The following ZBTB1 variants were observed in gnomAD, a reference collection of about 807,000 sequenced individuals.
ZBTB1 encodes zinc finger and BTB domain containing 1, also known as zinc finger and BTB domain-containing protein 1.
In ZBTB1, 13 loss-of-function variants were observed where a neutral mutation model predicts 51.6. The ratio of observed to expected loss-of-function variants is 0.25; its 90% CI spans 0.16 to 0.40. The LOEUF is 0.40. ZBTB1 is among the 10% of genes least tolerant of loss of function. ZBTB1 has a pLI of 1.00. For synonymous variants in ZBTB1, 240 were observed against 282.2 expected, an observed-to-expected ratio of 0.85 and a Z score of 1.50; for missense variants, 567 against 856.5, an observed-to-expected ratio of 0.66 and a Z score of 4.22.
Position 64,524,778 on chromosome 14 carries a change from T to G in ZBTB1, c.*1132T>G. ...TATCATTTTTTTCTGTAAAAGACTATAAAACTTGAGGATTATAAAATAATC... is the reference window on the plus strand; with the variant it reads ...TATCATTTTTTTCTGTAAAAGACTAGAAAACTTGAGGATTATAAAATAATC... On this transcript the variant is annotated 3_prime_UTR_variant, in exon 2 of 2. Transcript: ENST00000683701. The G allele has an allele frequency of 4.1e-6, 4 of 981,786 alleles. No individual in the cohort carries two copies. Among genetic ancestry groups the G allele is most frequent in the Non-Finnish European group, 4.8e-6 (4 of 826,628 alleles). 60.8% of individuals were successfully genotyped at this position (981,786 alleles called of 1,614,324 possible). A position where few individuals can be genotyped will look rare whatever the true frequency, so the allele number is the denominator to read the frequency against.
intron 1 of ZBTB1, among the ~76,000 whole-genome samples, chr14:64,511,813 C>A (rs1282498761): frequency 6.6e-6 from 1 of 152,136 alleles, no homozygotes; most frequent in Admixed American, 6.6e-5. Context: ...AGGTGCAAAC[C>A]CTTGCAAATT....
intron 1 of ZBTB1, among the ~76,000 whole-genome samples, chr14:64,519,900 T>C (rs2079842333): frequency 6.6e-6 from 1 of 152,212 alleles, no homozygotes; most frequent in African/African-American, 2.4e-5. Flanking sequence ...ATTCTAACTC[T>C]ATAGAATTAT....
At chr14:64,512,704 A>G (rs1423961415) in intron 1 of ZBTB1, among the ~76,000 whole-genome samples, 1 of 152,216 alleles carries the variant, frequency 6.6e-6, no homozygotes, top group Non-Finnish European at 1.5e-5. Flanking sequence ...ATAGTGCATA[A>G]AATTTTCTAA....
intron 1 of ZBTB1, chr14:64,514,018 TAC>T (rs1450025887): frequency 6.6e-6 from 1 of 152,256 alleles, no homozygotes; most frequent in East Asian, 1.9e-4. Flanking sequence ...ATCCCTCATA[TAC>T]AGTTATCTCT....
chr14:64,526,728 T>TC (rs937184440), downstream of ZBTB1, among the ~76,000 whole-genome samples: 3 of 152,084 alleles, frequency 2.0e-5, no homozygotes, highest in African/African-American at 7.2e-5. Context: ...CGTCTTCATC[T>TC]CCCCCATGTT....
intron 1 of ZBTB1, among the ~76,000 whole-genome samples, chr14:64,505,726 G>A (rs188665579): frequency 2.0e-5 from 3 of 152,208 alleles, no homozygotes; most frequent in Admixed American, 6.5e-5. Context: ...TAAATTGGGC[G>A]AATCAGGAAG....
In ZBTB1 at chr14:64,524,748, TTTA is replaced by T. The variant is rs748886263; in HGVS notation, c.*1107_*1109del. On this transcript the variant is annotated 3_prime_UTR_variant, in exon 2 of 2. Transcript: ENST00000683701. ...GGCAAATTGCAGTTTATCGCCATAT[TTTA>T]TTATCATTTTTTTCTGTAAAAGACT... 3.8e-5 allele frequency: 37 copies of T among 982,442 alleles called. No homozygotes were observed. The highest frequency in any genetic ancestry group is 4.7e-5 in the South Asian group (1 of 21,236). The allele number at this position is 982,442 out of a possible 1,614,324, so 60.9% of individuals were successfully genotyped here. A position where few individuals can be genotyped will look rare whatever the true frequency, so the allele number is the denominator to read the frequency against.
chr14:64,512,752 A>G (rs1466504869), intron 1 of ZBTB1, among the ~76,000 whole-genome samples: 1 of 152,198 alleles, frequency 6.6e-6, no homozygotes, highest in East Asian at 1.9e-4. Flanking sequence ...GTTGAAATAA[A>G]ACCTCTTATC....
rs1461663680 is a variant in ZBTB1, at chr14:64,522,364, A to G, written c.860A>G (p.Asp287Gly). 1 of 1,614,178 alleles carries G rather than the reference A, an allele frequency of 6.2e-7. No individual in the cohort carries two copies. The highest frequency in any genetic ancestry group is 8.5e-7 in the Non-Finnish European group (1 of 1,180,034). The change falls in exon 2 of 2, where the codon GAC becomes GGC. Residue 287 changes from aspartate (D) to glycine (G), a missense_variant. By Grantham distance (94) the Asp-to-Gly change is moderately conservative. Around this residue, in one of 5 missense-constraint regions of ZBTB1, gnomAD observed 329 missense variants for 406.3 expected, o/e 0.81. Coordinates refer to ENST00000683701, the MANE Select transcript of ZBTB1 (RefSeq NM_001123329.2). ...FSAQTDKYRG[D>G]TSQAADDSAS... The stretch of plus-strand genomic sequence containing the variant: ...GCACAGACGGACAAATACAGAGGAG[A>G]CACAAGCCAGGCTGCTGATGATTCA...
chr14:64,504,886 C>G lies in ZBTB1; in HGVS notation c.-79C>G, dbSNP rs936998907. On this transcript the variant is annotated 5_prime_UTR_variant, in exon 1 of 2. Coordinates refer to ENST00000683701, the MANE Select transcript of ZBTB1 (RefSeq NM_001123329.2). The stretch of plus-strand genomic sequence containing the variant: ...GCCCCTTCGCCTTCGCCCGCCTTTC[C>G]CGCGGCTGATTTGCCTTAAACTCCC... 1 of 396,726 alleles carries G rather than the reference C, an allele frequency of 2.5e-6. No individual in the cohort carries two copies. The highest frequency in any genetic ancestry group is 2.1e-5 in the African/African-American group (1 of 48,570). The allele number at this position is 396,726 out of a possible 1,614,324, so 24.6% of individuals were successfully genotyped here. A position where few individuals can be genotyped will look rare whatever the true frequency, so the allele number is the denominator to read the frequency against.
chr14:64,530,650 C>T (rs2079935999), intron 2 of ZBTB1, among the ~76,000 whole-genome samples: 1 of 151,980 alleles, frequency 6.6e-6, no homozygotes, highest in Non-Finnish European at 1.5e-5. Flanking sequence ...ATATCACTTA[C>T]ATTTATATGC....
exon 3 of ZBTB1, chr14:64,532,475 A>G (rs1162309790): frequency 6.6e-6 from 1 of 152,264 alleles, no homozygotes; most frequent in Non-Finnish European, 1.5e-5. Flanking sequence ...ATTACTCACT[A>G]TAGTAAAACA....
intron 1 of ZBTB1, among the ~76,000 whole-genome samples, chr14:64,509,814 AC>A (rs1360540624): frequency 6.6e-6 from 1 of 151,538 alleles, no homozygotes; most frequent in Non-Finnish European, 1.5e-5. Flanking sequence ...TACTAAAAAT[AC>A]AAAAAAAAAA....
At chr14:64,517,196 A>G (rs1453717745) in intron 1 of ZBTB1, among the ~76,000 whole-genome samples, 1 of 152,168 alleles carries the variant, frequency 6.6e-6, no homozygotes, top group African/African-American at 2.4e-5. Context: ...CATTTTACAC[A>G]TTGCCTCTGT....
intron 1 of ZBTB1, among the ~76,000 whole-genome samples, chr14:64,512,741 C>T (rs2079738185): frequency 6.6e-6 from 1 of 152,106 alleles, no homozygotes; most frequent in Admixed American, 6.6e-5. Context: ...CACTTAAGTG[C>T]GTTGAAATAA....
In ZBTB1 at chr14:64,521,559, G is replaced by C; in HGVS notation, c.55G>C (p.Glu19Gln). 1 of 1,614,182 alleles carries C rather than the reference G, an allele frequency of 6.2e-7. No homozygotes were observed. Among genetic ancestry groups the C allele is most frequent in the East Asian group, 2.2e-5 (1 of 44,886 alleles). ...YVLQQLNNQREWGFLCDCCIA... is the reference protein window; with the variant it reads ...YVLQQLNNQRQWGFLCDCCIA... ...CCTTCAGCAGCTAAACAACCAAAGAGAATGGGGTTTTCTCTGTGACTGCTG... is the reference window on the plus strand; with the variant it reads ...CCTTCAGCAGCTAAACAACCAAAGACAATGGGGTTTTCTCTGTGACTGCTG... Residue 19 changes from glutamate to glutamine, a missense_variant, in exon 2 of 2, where the codon GAA becomes CAA. Glu to Gln is a conservative substitution (Grantham distance 29, BLOSUM62 2). Coordinates refer to ENST00000683701, the MANE Select transcript of ZBTB1 (RefSeq NM_001123329.2).
chr14:64,521,880 T>C lies in ZBTB1; in HGVS notation c.376T>C (p.Cys126Arg). 6.2e-7 allele frequency: 1 copy of C among 1,613,682 alleles called. No individual in the cohort carries two copies. The highest frequency in any genetic ancestry group is 8.5e-7 in the Non-Finnish European group (1 of 1,180,040). Residue 126 changes from cysteine (C) to arginine (R), a missense_variant, in exon 2 of 2, where the codon TGT (cysteine) becomes CGT (arginine). Coordinates refer to ENST00000683701, the MANE Select transcript of ZBTB1 (RefSeq NM_001123329.2). ...GGATGCAGATTGTTCTAGTTCAAAA[T>C]GTTCCTCTTCTGCTTCCAGCAAACA... Reference protein sequence around the residue: ...IQDADCSSSKCSSSASSKQNS... With the variant: ...IQDADCSSSKRSSSASSKQNS...
At position 64,521,942 on chromosome 14, in the gene ZBTB1, A is replaced by G. The variant is rs1336107239; in HGVS notation, c.438A>G (p.Glu146=). ...TGATATTTGGGGTAAGAATGTATGA[A>G]GATACTGTGGCTCGAAATGGCAATG... ...SKMIFGVRMY[E]DTVARNGNEA... Residue 146 remains glutamate, a synonymous_variant, in exon 2 of 2, where the codon GAA becomes GAG. Coordinates refer to ENST00000683701, the MANE Select transcript of ZBTB1 (RefSeq NM_001123329.2). The G allele has an allele frequency of 6.2e-7, 1 of 1,614,228 alleles. No homozygotes were observed. Among genetic ancestry groups the G allele is most frequent in the African/African-American group, 1.3e-5 (1 of 75,062 alleles).
At chr14:64,505,809 C>T (rs1388380882) in intron 1 of ZBTB1, among the ~76,000 whole-genome samples, 1 of 152,198 alleles carries the variant, frequency 6.6e-6, no homozygotes, top group African/African-American at 2.4e-5. Flanking sequence ...AGTCGAATTT[C>T]AGTGTGGCAG....
Sources: allele counts gnomAD v4.1 joint callset (sites outside exome capture counted in the v4.1 genomes callset), GRCh38; gene constraint gnomAD v4.1.1; regional missense constraint gnomAD v4.1.1; transcripts MANE v1.5; gene names NCBI Gene and HGNC (gene_info 2026-07-23, HGNC 2026-07-21).